LUZP2: variants seen among roughly 807,000 people sequenced by gnomAD.
LUZP2 encodes the protein leucine zipper protein 2.
LUZP2 carries 52 observed loss-of-function variants against 51.6 expected under a neutral mutation model. The ratio of observed to expected loss-of-function variants is 1.01; its 90% confidence interval spans 0.81 to 1.27. The LOEUF is 1.27. LUZP2 is among the 50% of genes most tolerant of loss of function. LUZP2 has a pLI of 0.00. For missense variants in LUZP2, 436 were observed against 395.4 expected, an observed-to-expected ratio of 1.10 and a Z score of -0.87; for synonymous variants, 154 against 137.3, an observed-to-expected ratio of 1.12 and a Z score of -0.85.
chr11:24,847,462 C>G lies in LUZP2; in HGVS notation c.397-58529C>G, dbSNP rs559112905. Among the ~76,000 whole-genome samples the G allele has an allele frequency of 2.6e-5, 4 of 152,136 alleles. No homozygotes were observed. In the East Asian group the frequency reaches 7.7e-4, roughly 29 times the overall value. On this transcript the variant is annotated intron_variant, in intron 5 of 11. Coordinates refer to ENST00000336930, the MANE Select transcript of LUZP2 (RefSeq NM_001009909.4). ...AATCTGTCTAATGTTTTATCATGTCCGTTCTCAGGCCATGCCTTCTAGGGC... is the reference window on the plus strand; with the variant it reads ...AATCTGTCTAATGTTTTATCATGTCGGTTCTCAGGCCATGCCTTCTAGGGC...
intron 1 of LUZP2, among the ~76,000 whole-genome samples, chr11:24,542,232 C>G (rs78297047): frequency 6.6e-6 from 1 of 151,842 alleles, no homozygotes; most frequent in South Asian, 2.1e-4. Context: ...ACTATCCTCA[C>G]CCCCCCATAC....
At position 24,910,201 on chromosome 11, in the gene LUZP2, G is replaced by A. The variant is rs117371805; in HGVS notation, c.459+4148G>A. 4.3e-3 allele frequency among the ~76,000 whole-genome samples: 648 copies of A among 152,200 alleles called. 2 individuals carry two copies. The highest frequency in any genetic ancestry group is 6.8e-3 in the Middle Eastern group (2 of 294). On this transcript the variant is annotated intron_variant, in intron 6 of 11. Transcript: ENST00000336930. ...TTCATAAGCAGCAAAGTGTTCAAGA[G>A]GAAGTGGAGCATGAAAGTTTGGAAA...
chr11:24,538,663 T>A (rs950649526), intron 1 of LUZP2, among the ~76,000 whole-genome samples: 1 of 145,006 alleles, frequency 6.9e-6, no homozygotes, highest in Non-Finnish European at 1.5e-5. Context: ...TGTGTGTGTG[T>A]GTGTGTATAT....
intron 1 of LUZP2, among the ~76,000 whole-genome samples, chr11:24,723,562 A>G (rs1590401220): frequency 6.6e-6 from 1 of 152,230 alleles, no homozygotes; most frequent in South Asian, 2.1e-4. Context: ...ACGGCGGCCC[A>G]TGCCTATAAT....
chr11:24,671,389 A>C (rs749103824), intron 1 of LUZP2, among the ~76,000 whole-genome samples: 4 of 151,966 alleles, frequency 2.6e-5, no homozygotes, highest in Admixed American at 6.6e-5. Context: ...TTAACATCTA[A>C]ATTTTGTTCT....
intron 9 of LUZP2, among the ~76,000 whole-genome samples, chr11:24,985,096 A>T (rs1373077323): frequency 6.6e-6 from 1 of 151,802 alleles, no homozygotes; most frequent in Middle Eastern, 3.2e-3. Flanking sequence ...TGGAATTTAG[A>T]AAATTATACA....
intron 1 of LUZP2, among the ~76,000 whole-genome samples, chr11:24,691,924 A>G (rs1857079081): frequency 6.6e-6 from 1 of 152,036 alleles, no homozygotes; most frequent in Admixed American, 6.6e-5. Flanking sequence ...AGATTCATTT[A>G]GTAGATTCAT....
At chr11:25,050,279 G>A (rs1032741931) in intron 10 of LUZP2, 149 bp downstream of exon 10, 12 of 130,196 alleles carry the variant, frequency 9.2e-5, no homozygotes, top group South Asian at 8.1e-4. Flanking sequence ...GAAAGTAAAT[G>A]TTCTTTATGT....
intron 5 of LUZP2, among the ~76,000 whole-genome samples, chr11:24,815,993 C>G (rs2631515): frequency 1.4e-5 from 2 of 140,670 alleles, no homozygotes; most frequent in African/African-American, 5.0e-5. Context: ...CATCTCTTAT[C>G]TTCTTTTTTT....
At chr11:24,961,128 C>A (rs1263754560) in intron 7 of LUZP2, among the ~76,000 whole-genome samples, 2 of 152,060 alleles carry the variant, frequency 1.3e-5, no homozygotes, top group African/African-American at 4.8e-5. Context: ...GTTATAATTT[C>A]TGTTCTTTTA....
intron 1 of LUZP2, among the ~76,000 whole-genome samples, chr11:24,700,734 G>A (rs1382620599): frequency 2.0e-5 from 3 of 152,058 alleles, no homozygotes; most frequent in African/African-American, 7.2e-5. Flanking sequence ...TGAAAGAATG[G>A]GAGCTGGGGA....
chr11:24,911,992 T>A (rs1853649831), intron 6 of LUZP2, among the ~76,000 whole-genome samples: 1 of 152,116 alleles, frequency 6.6e-6, no homozygotes, highest in Non-Finnish European at 1.5e-5. Context: ...TGAAAACAAA[T>A]CAATTACCCT....
intron 7 of LUZP2, among the ~76,000 whole-genome samples, chr11:24,971,220 G>T (rs1855727529): frequency 6.6e-6 from 1 of 152,058 alleles, no homozygotes; most frequent in South Asian, 2.1e-4. Context: ...CCTGAGATGG[G>T]GTCGGGGAGG....
intron 9 of LUZP2, among the ~76,000 whole-genome samples, chr11:24,988,626 A>G (rs1412781125): frequency 2.6e-5 from 4 of 151,356 alleles, no homozygotes; most frequent in Non-Finnish European, 5.9e-5. Flanking sequence ...CCTTTATGAA[A>G]TAGTGTTAAA....
chr11:24,963,622 C>T (rs111350823), intron 7 of LUZP2, among the ~76,000 whole-genome samples: 36 of 152,240 alleles, frequency 2.4e-4, no homozygotes, highest in African/African-American at 7.0e-4. Context: ...GTCAGAAAGG[C>T]GCAGTATTCG....
chr11:24,690,796 A>T (rs1342093029), intron 1 of LUZP2, among the ~76,000 whole-genome samples: 1 of 152,088 alleles, frequency 6.6e-6, no homozygotes, highest in Non-Finnish European at 1.5e-5. Flanking sequence ...CTAGTAGACT[A>T]AACAGGAACT....
At chr11:24,952,164 T>C (rs1284834359) in intron 7 of LUZP2, among the ~76,000 whole-genome samples, 1 of 151,794 alleles carries the variant, frequency 6.6e-6, no homozygotes, top group Non-Finnish European at 1.5e-5. Context: ...CATCTTTCTT[T>C]AATTGTAATA....
At chr11:25,023,691 G>T (rs960483771) in intron 9 of LUZP2, among the ~76,000 whole-genome samples, 6 of 152,068 alleles carry the variant, frequency 3.9e-5, no homozygotes, top group Non-Finnish European at 7.4e-5. Context: ...GAATGTGTTT[G>T]CTCTTGCTTC....
At chr11:24,518,953 A>G (rs767134842) in intron 1 of LUZP2, among the ~76,000 whole-genome samples, 6 of 152,180 alleles carry the variant, frequency 3.9e-5, no homozygotes, top group African/African-American at 1.2e-4. Flanking sequence ...TTTGATGCAG[A>G]TCATACTCTA....
Sources: gnomAD v4.1 joint callset for allele counts (sites outside exome capture counted in the v4.1 genomes callset) on GRCh38, gnomAD v4.1.1 for gene constraint, MANE v1.5 for transcripts, NCBI Gene and HGNC (gene_info 2026-07-23, HGNC 2026-07-21) for gene names.